The following RBMS3 variants were observed in gnomAD, a reference collection of about 807,000 sequenced individuals.
RBMS3 encodes the protein RNA-binding motif, single-stranded-interacting protein 3.
RBMS3 carries 27 observed loss-of-function variants against 66.8 expected under a neutral mutation model. That is an observed-to-expected ratio of 0.40 (90% CI 0.30 to 0.56). RBMS3 has a LOEUF of 0.56. Among genes scored for constraint, RBMS3 ranks in the 20% least tolerant of loss-of-function variants. The probability of loss-of-function intolerance (pLI) is 0.40; values close to 1 mark genes in which losing one functional copy is unlikely to be tolerated. For synonymous variants in RBMS3, 188 were observed against 183.0 expected, an observed-to-expected ratio of 1.03 and a Z score of -0.22; for missense variants, 513 against 549.5, an observed-to-expected ratio of 0.93 and a Z score of 0.66.
At chr3:29,921,896 C>A (rs1329547223) in intron 10 of RBMS3, among the ~76,000 whole-genome samples, 4 of 152,152 alleles carry the variant, frequency 2.6e-5, no homozygotes, top group Non-Finnish European at 4.4e-5. Context: ...GGACCCAGAG[C>A]CTCCTGCTGA....
intron 2 of RBMS3, 40 bp from the exon 3 acceptor site, chr3:29,488,401 G>A: frequency 1.3e-6 from 2 of 1,533,018 alleles, no homozygotes; most frequent in East Asian, 2.3e-5. Flanking sequence ...TCTTCAATGG[G>A]TTACAATAAC....
intron 4 of RBMS3, among the ~76,000 whole-genome samples, chr3:29,719,644 C>T (rs1257466484): frequency 1.3e-5 from 2 of 152,104 alleles, no homozygotes; most frequent in African/African-American, 2.4e-5. Flanking sequence ...AGATTTCCCC[C>T]CTCACATTTG....
chr3:29,920,853 CAAAAA>C (rs10576471), intron 10 of RBMS3, among the ~76,000 whole-genome samples: 2,168 of 98,040 alleles, frequency 0.022, 55 homozygotes, highest in African/African-American at 0.073. Context: ...CACGTGGTCT[CAAAAA>C]AAAAAAAAAA....
At chr3:29,842,262 T>G (rs1425278885) in intron 6 of RBMS3, among the ~76,000 whole-genome samples, 2 of 152,148 alleles carry the variant, frequency 1.3e-5, no homozygotes, top group Non-Finnish European at 2.9e-5. Context: ...TCTTGCATCT[T>G]GGATAAACTG....
chr3:29,739,749 C>T lies in RBMS3; in HGVS notation c.429C>T (p.Tyr143=), dbSNP rs778041350. The change falls in exon 5 of 15, where the codon TAC becomes TAT. Residue 143 remains tyrosine, a synonymous_variant. Transcript: ENST00000383767. ...AAGAGCAAGACCCAACAAACCTATA[C>T]ATCTCAAATCTCCCCATTTCTATGG... The part of the protein sequence containing the change: ...KQQEQDPTNL[Y]ISNLPISMDE... 1.9e-6 allele frequency: 3 copies of T among 1,611,274 alleles called. 1 individual carries two copies. The South Asian group carries it at 3.3e-5, about 18-fold the overall frequency.
At chr3:29,548,766 A>T (rs2046070398) in intron 3 of RBMS3, among the ~76,000 whole-genome samples, 1 of 152,030 alleles carries the variant, frequency 6.6e-6, no homozygotes, top group Admixed American at 6.6e-5. Context: ...TCATTCTGCA[A>T]CCACTTCCCA....
chr3:29,413,348 A>G (rs1031460398), intron 1 of RBMS3, among the ~76,000 whole-genome samples: 8 of 151,752 alleles, frequency 5.3e-5, no homozygotes, highest in African/African-American at 1.9e-4. Flanking sequence ...CGGCCTGGGC[A>G]AAGAGAGTGA....
intron 1 of RBMS3, among the ~76,000 whole-genome samples, chr3:29,305,980 A>G (rs2033981755): frequency 6.6e-6 from 1 of 151,998 alleles, no homozygotes; most frequent in Non-Finnish European, 1.5e-5. Context: ...CAGACCAGGG[A>G]GCATTCGTTA....
At chr3:29,722,958 C>T (rs1230898660) in intron 4 of RBMS3, among the ~76,000 whole-genome samples, 1 of 151,806 alleles carries the variant, frequency 6.6e-6, no homozygotes, top group Non-Finnish European at 1.5e-5. Context: ...CAGACTTTTA[C>T]TCACTCTTTT....
At chr3:29,414,490 CAT>C (rs980241579) in intron 1 of RBMS3, among the ~76,000 whole-genome samples, 3 of 152,160 alleles carry the variant, frequency 2.0e-5, no homozygotes, top group African/African-American at 7.2e-5. Flanking sequence ...TTTCGTGAAA[CAT>C]AGTTTCTAGC....
intron 4 of RBMS3, among the ~76,000 whole-genome samples, chr3:29,732,569 C>T (rs1198758154): frequency 6.6e-6 from 1 of 151,914 alleles, no homozygotes; most frequent in African/African-American, 2.4e-5. Flanking sequence ...AGCAGGCTTC[C>T]ATCAGTTCTC....
At chr3:29,575,999 C>CATGTTT (rs1482792953) in intron 3 of RBMS3, among the ~76,000 whole-genome samples, 2 of 152,072 alleles carry the variant, frequency 1.3e-5, no homozygotes, top group Non-Finnish European at 2.9e-5. Context: ...CAGGATTAGT[C>CATGTTT]CTTCATGCAT....
chr3:29,765,601 T>C (rs1677118518), intron 6 of RBMS3: 1 of 151,970 alleles, frequency 6.6e-6, no homozygotes, highest in Admixed American at 6.6e-5. Flanking sequence ...ACATTGATTG[T>C]TTAAATACAT....
chr3:29,766,098 T>G (rs1440385312), intron 6 of RBMS3: 4 of 151,980 alleles, frequency 2.6e-5, no homozygotes, highest in Non-Finnish European at 5.9e-5. Context: ...CTACATTTAA[T>G]ATAACTCTAA....
At chr3:29,660,037 T>C (rs2050475607) in intron 4 of RBMS3, among the ~76,000 whole-genome samples, 1 of 152,214 alleles carries the variant, frequency 6.6e-6, no homozygotes, top group Non-Finnish European at 1.5e-5. Flanking sequence ...TGTGCAAGAC[T>C]TTCACCTCCT....
At chr3:29,968,288 A>G (rs1469569440) in intron 12 of RBMS3, among the ~76,000 whole-genome samples, 1 of 152,176 alleles carries the variant, frequency 6.6e-6, no homozygotes. Flanking sequence ...GCAAAGGAAA[A>G]GGGCTTTAGA....
chr3:29,741,917 G>A (rs970918482), intron 5 of RBMS3, among the ~76,000 whole-genome samples: 13 of 152,040 alleles, frequency 8.6e-5, no homozygotes, highest in Non-Finnish European at 7.4e-5. Context: ...TTGCAATAGG[G>A]CCCACCCTAA....
At chr3:29,339,422 G>A (rs962928535) in intron 1 of RBMS3, among the ~76,000 whole-genome samples, 2 of 152,106 alleles carry the variant, frequency 1.3e-5, no homozygotes, top group East Asian at 3.9e-4. Context: ...TGGAATTTCT[G>A]AACTGAATTT....
chr3:29,332,765 G>A (rs959666324), intron 1 of RBMS3, among the ~76,000 whole-genome samples: 4 of 152,100 alleles, frequency 2.6e-5, no homozygotes, highest in African/African-American at 9.7e-5. Context: ...TTTCTTGCAA[G>A]GACAAGAAGC....
Sources: allele counts gnomAD v4.1 joint callset (sites outside exome capture counted in the v4.1 genomes callset), GRCh38; gene constraint gnomAD v4.1.1; transcripts MANE v1.5; gene names NCBI Gene and HGNC (gene_info 2026-07-23, HGNC 2026-07-21).